NAV2: variants seen among roughly 807,000 people sequenced by gnomAD.
NAV2 encodes the protein neuron navigator 2, also known as helicase, APC down-regulated 1.
Under a neutral mutation model 223.2 loss-of-function variants are expected in NAV2, and 54 were observed. The observed-to-expected ratio is 0.24, with a 90% CI of 0.19 to 0.30. The LOEUF (loss-of-function observed/expected upper bound fraction) is 0.30. Among genes scored for constraint, NAV2 ranks in the 10% least tolerant of loss-of-function variants. NAV2 has a pLI of 1.00. For missense variants in NAV2, 2,806 were observed against 3,147.5 expected (o/e 0.89, Z 2.60); for synonymous variants, 1,279 against 1,239.3 (o/e 1.03, Z -0.67).
chr11:19,890,038 C>T (rs1261381861), intron 5 of NAV2, among the ~76,000 whole-genome samples: 1 of 152,176 alleles, frequency 6.6e-6, no homozygotes, highest in African/African-American at 2.4e-5. Flanking sequence ...CTTCATGAAC[C>T]CGTGTTCACT....
At chr11:19,949,244 G>A (rs561366112) in intron 10 of NAV2, among the ~76,000 whole-genome samples, 164 bp downstream of exon 10, 8 of 152,296 alleles carry the variant, frequency 5.3e-5, no homozygotes, top group African/African-American at 1.9e-4. Context: ...AACGCTGCTC[G>A]GCTGTGAGTC....
chr11:19,473,221 C>T (rs2042017782), intron 1 of NAV2, among the ~76,000 whole-genome samples: 1 of 152,108 alleles, frequency 6.6e-6, no homozygotes. Flanking sequence ...AAGCTTGCTT[C>T]TTTCTATGAG....
chr11:20,099,324 G>A (rs894882041), intron 31 of NAV2, among the ~76,000 whole-genome samples: 2 of 152,194 alleles, frequency 1.3e-5, no homozygotes, highest in African/African-American at 4.8e-5. Flanking sequence ...TATGTCCTGA[G>A]TTCAAATTGC....
intron 1 of NAV2, among the ~76,000 whole-genome samples, chr11:19,379,654 C>G (rs113117355): frequency 6.6e-6 from 1 of 152,180 alleles, no homozygotes; most frequent in Admixed American, 6.5e-5. Flanking sequence ...GGCATCTTCC[C>G]GGTCCTGTTG....
In NAV2 at chr11:19,940,658, G is replaced by A. The variant is rs946225376; in HGVS notation, c.2146+885G>A. On this transcript the variant is annotated intron_variant, in intron 8 of 37. Coordinates refer to ENST00000349880, the MANE Select transcript of NAV2 (RefSeq NM_145117.5). ...ATTGAACTGAATATCCCTGACTACA[G>A]CATTTTAATAGCCACATTACAGCTG... is the stretch of plus-strand genomic sequence containing the variant. Among the ~76,000 whole-genome samples, 16 of 152,188 alleles carry A rather than the reference G, an allele frequency of 1.1e-4. No homozygotes were observed. The East Asian group carries it at 1.3e-3, about 13-fold the overall frequency.
In NAV2 at chr11:20,045,373, G is replaced by A. The variant is rs756789178; in HGVS notation, c.3605G>A (p.Arg1202Gln). The A allele has an allele frequency of 1.2e-5, 20 of 1,613,986 alleles. No individual in the cohort carries two copies. The highest frequency in any genetic ancestry group is 5.5e-5 in the South Asian group (5 of 91,074). ...CCGAGGCCCAGTAAGTCCAACAGCC[G>A]GAACGGGGCTGGGAACAGGTCTAGC... The part of the protein sequence containing the change: ...SLPRPSKSNS[R>Q]NGAGNRSSTS... The change falls in exon 14 of 38, where the codon CGG (arginine) becomes CAG (glutamine). Residue 1202 changes from arginine to glutamine, a missense_variant. Transcript: ENST00000349880.
chr11:19,795,348 A>G (rs1359553572), intron 1 of NAV2, among the ~76,000 whole-genome samples: 1 of 152,234 alleles, frequency 6.6e-6, no homozygotes, highest in African/African-American at 2.4e-5. Flanking sequence ...TGGCATATTT[A>G]GAATTTTTGC....
At chr11:19,572,429 A>T (rs750185460) in intron 1 of NAV2, among the ~76,000 whole-genome samples, 6 of 152,070 alleles carry the variant, frequency 3.9e-5, no homozygotes, top group Non-Finnish European at 8.8e-5. Flanking sequence ...TTGCTGTAGT[A>T]CTCTATCTGC....
intron 1 of NAV2, among the ~76,000 whole-genome samples, chr11:19,457,018 T>C (rs1372972517): frequency 6.6e-6 from 1 of 152,230 alleles, no homozygotes; most frequent in African/African-American, 2.4e-5. Flanking sequence ...GTGGGAGTAG[T>C]TAACCTATTA....
chr11:19,582,429 A>T (rs2045749019), intron 1 of NAV2, among the ~76,000 whole-genome samples: 1 of 152,178 alleles, frequency 6.6e-6, no homozygotes, highest in Non-Finnish European at 1.5e-5. Context: ...TTTAGACATG[A>T]AGTCCTTGCC....
chr11:19,584,975 G>T (rs1480610928), intron 1 of NAV2, among the ~76,000 whole-genome samples: 1 of 40,734 alleles, frequency 2.5e-5, no homozygotes, highest in African/African-American at 6.4e-5. Context: ...TGTTGACAGT[G>T]GGGTGTTAAA....
intron 26 of NAV2, among the ~76,000 whole-genome samples, 165 bp downstream of exon 26, chr11:20,083,344 G>A (rs1344108681): frequency 6.6e-6 from 1 of 152,194 alleles, no homozygotes; most frequent in Non-Finnish European, 1.5e-5. Context: ...TGGGAAAGTT[G>A]AAAGAGAAAA....
intron 1 of NAV2, among the ~76,000 whole-genome samples, chr11:19,535,727 T>G (rs114800733): frequency 6.6e-6 from 1 of 152,156 alleles, no homozygotes; most frequent in Non-Finnish European, 1.5e-5. Flanking sequence ...ATGGGTTCAG[T>G]GGGCCCAATC....
At chr11:20,062,021 C>T (rs940919876) in intron 19 of NAV2, among the ~76,000 whole-genome samples, 2 of 152,182 alleles carry the variant, frequency 1.3e-5, no homozygotes, top group African/African-American at 4.8e-5. Context: ...AACACTTCTC[C>T]GTACTTGAAC....
chr11:19,598,444 AACT>A (rs1481336362), intron 1 of NAV2, among the ~76,000 whole-genome samples: 1 of 152,134 alleles, frequency 6.6e-6, no homozygotes, highest in Admixed American at 6.5e-5. Flanking sequence ...TTGTCTTTTT[AACT>A]TTTATCCTAT....
At chr11:20,039,421 A>T (rs972493349) in intron 12 of NAV2, among the ~76,000 whole-genome samples, 4 of 151,324 alleles carry the variant, frequency 2.6e-5, no homozygotes, top group Non-Finnish European at 5.9e-5. Flanking sequence ...CATTTCTCTT[A>T]TCTCTCCCTC....
chr11:19,634,538 A>G (rs892340015), intron 1 of NAV2, among the ~76,000 whole-genome samples: 2 of 152,138 alleles, frequency 1.3e-5, no homozygotes, highest in African/African-American at 4.8e-5. Flanking sequence ...TCACAAATAT[A>G]TGTATTAACT....
chr11:19,773,244 T>G (rs2055864936), intron 1 of NAV2, among the ~76,000 whole-genome samples: 1 of 152,172 alleles, frequency 6.6e-6, no homozygotes, highest in South Asian at 2.1e-4. Context: ...GTTGAGTGAT[T>G]GAACGATGTG....
intron 1 of NAV2, among the ~76,000 whole-genome samples, chr11:19,406,742 T>C (rs1564912158): frequency 6.6e-6 from 1 of 152,198 alleles, no homozygotes; most frequent in Non-Finnish European, 1.5e-5. Flanking sequence ...CATCTCCCTA[T>C]AGCCAACAGG....
Sources: gnomAD v4.1 joint callset for allele counts (sites outside exome capture counted in the v4.1 genomes callset) on GRCh38, gnomAD v4.1.1 for gene constraint, MANE v1.5 for transcripts, NCBI Gene and HGNC (gene_info 2026-07-23, HGNC 2026-07-21) for gene names.